The following GRM1 variants were observed in gnomAD, a reference collection of about 807,000 sequenced individuals.
The protein encoded by GRM1 is glutamate metabotropic receptor 1.
GRM1 carries 33 observed loss-of-function variants against 90.9 expected under a neutral mutation model. The observed-to-expected ratio is 0.36, with a 90% CI of 0.28 to 0.49. The LOEUF is 0.49. Among genes scored for constraint, GRM1 ranks in the 20% least tolerant of loss-of-function variants. The pLI is 0.99. For missense variants in GRM1, 1,190 were observed against 1,534.3 expected (o/e 0.78, Z 3.75); for synonymous variants, 700 against 613.2 (o/e 1.14, Z -2.09).
chr6:146,329,876 G>C (rs1032363399), intron 3 of GRM1, among the ~76,000 whole-genome samples: 8 of 152,152 alleles, frequency 5.3e-5, no homozygotes, highest in African/African-American at 1.9e-4. Flanking sequence ...TGTACTGAAA[G>C]TGAGAAACAG....
intron 3 of GRM1, among the ~76,000 whole-genome samples, chr6:146,310,929 A>C (rs1019507874): frequency 6.6e-6 from 1 of 152,182 alleles, no homozygotes; most frequent in East Asian, 1.9e-4. Flanking sequence ...TAAATAAATT[A>C]TTATTGTTTT....
At chr6:146,215,226 A>G (rs1455506801) in intron 2 of GRM1, among the ~76,000 whole-genome samples, 1 of 152,222 alleles carries the variant, frequency 6.6e-6, no homozygotes, top group East Asian at 1.9e-4. Flanking sequence ...AATAATTTCA[A>G]TTTAGTTTTA....
intron 3 of GRM1, among the ~76,000 whole-genome samples, chr6:146,311,067 C>T (rs362944): frequency 0.12 from 17,509 of 152,192 alleles, 2,006 homozygotes; most frequent in African/African-American, 0.3. Flanking sequence ...GACATAATTC[C>T]TCAACCCAAT....
intron 2 of GRM1, among the ~76,000 whole-genome samples, chr6:146,161,952 C>G (rs899571533): frequency 9.2e-5 from 14 of 152,130 alleles, no homozygotes; most frequent in African/African-American, 3.4e-4. Flanking sequence ...GGCTGATTCC[C>G]TCTCTTTATC....
At chr6:146,115,185 A>T (rs374747933) in intron 1 of GRM1, among the ~76,000 whole-genome samples, 1 of 151,832 alleles carries the variant, frequency 6.6e-6, no homozygotes, top group Non-Finnish European at 1.5e-5. Flanking sequence ...TAAAATGCTC[A>T]TAAGAATCAC....
At position 146,357,510 on chromosome 6, in the gene GRM1, A is replaced by G; in HGVS notation, c.1434-16A>G. The G allele has an allele frequency of 2.5e-6, 4 of 1,601,938 alleles. No individual in the cohort carries two copies. Among genetic ancestry groups the G allele is most frequent in the South Asian group, 2.2e-5 (2 of 90,802 alleles). ...TGTCTATATTCTATAAGACATGCACATTGTGCTCTTTGTAGGTATGATATC... is the reference window on the plus strand; with the variant it reads ...TGTCTATATTCTATAAGACATGCACGTTGTGCTCTTTGTAGGTATGATATC... On this transcript the variant is annotated splice_polypyrimidine_tract_variant and intron_variant, in intron 4 of 7. Transcript: ENST00000282753.
intron 2 of GRM1, among the ~76,000 whole-genome samples, chr6:146,192,071 T>C (rs1421367623): frequency 6.6e-6 from 1 of 152,188 alleles, no homozygotes. Flanking sequence ...AATTTAAGAT[T>C]GCTTAACTTT....
chr6:146,368,781 T>C (rs1264397091), intron 5 of GRM1, among the ~76,000 whole-genome samples: 1 of 152,088 alleles, frequency 6.6e-6, no homozygotes, highest in African/African-American at 2.4e-5. Context: ...TGCATTTATG[T>C]TTATCAGGGA....
At position 146,179,606 on chromosome 6, in the gene GRM1, C is replaced by T. The variant is rs539134166; in HGVS notation, c.950+20009C>T. ...TTGGCTCACTGCAAGCTCCGTCTCC[C>T]GGGTTCACGCCATTCTCCTGCCTCA... is the stretch of plus-strand genomic sequence containing the variant. On this transcript the variant is annotated intron_variant, in intron 2 of 7. Transcript: ENST00000282753. Among the ~76,000 whole-genome samples the T allele has an allele frequency of 3.4e-3, 511 of 152,232 alleles. 7 individuals carry two copies. The highest frequency in any genetic ancestry group is 0.01 in the Admixed American group (154 of 15,298).
intron 4 of GRM1, 61 bp from the exon 5 acceptor site, chr6:146,357,464 CT>C: frequency 1.5e-6 from 2 of 1,369,816 alleles, no homozygotes; most frequent in Non-Finnish European, 2.1e-6. Context: ...TACTTACCAA[CT>C]TTCTTTGTTT....
At position 146,292,546 on chromosome 6, in the gene GRM1, T is replaced by C. The variant is rs575748934; in HGVS notation, c.951-12065T>C. Among the ~76,000 whole-genome samples, 4 of 152,036 alleles carry C rather than the reference T, an allele frequency of 2.6e-5. No individual in the cohort carries two copies. In the South Asian group the frequency reaches 8.3e-4, roughly 31 times the overall value. ...GTCACATCATTAGCCATTACAAAAA[T>C]GGTAATCAAAATCACAATGAGATAC... On this transcript the variant is annotated intron_variant, in intron 2 of 7. Transcript: ENST00000282753.
rs145799579 is a variant in GRM1 at position 146,366,153 on chromosome 6, G to A, written c.1602+8459G>A. ...AATCAAATGCATATTTCAAATGAATGAATGAATGAATGAGTCAATGAATGA... is the reference window on the plus strand; with the variant it reads ...AATCAAATGCATATTTCAAATGAATAAATGAATGAATGAGTCAATGAATGA... On this transcript the variant is annotated intron_variant, in intron 5 of 7. Coordinates refer to ENST00000282753, the MANE Select transcript of GRM1 (RefSeq NM_001278064.2). Among the ~76,000 whole-genome samples the A allele has an allele frequency of 9.7e-4, 148 of 152,272 alleles. 1 individual carries two copies. The highest frequency in any genetic ancestry group is 3.3e-3 in the African/African-American group (136 of 41,560).
At chr6:146,126,535 C>A (rs1372582423) in intron 1 of GRM1, among the ~76,000 whole-genome samples, 3 of 152,050 alleles carry the variant, frequency 2.0e-5, no homozygotes, top group Non-Finnish European at 4.4e-5. Context: ...TCAAAATATT[C>A]TTTGAACTAA....
At chr6:146,407,719 C>A (rs1777399382) in intron 7 of GRM1, among the ~76,000 whole-genome samples, 1 of 151,936 alleles carries the variant, frequency 6.6e-6, no homozygotes, top group Admixed American at 6.6e-5. Flanking sequence ...GTAAATGGGG[C>A]CAAAAATCAT....
intron 1 of GRM1, among the ~76,000 whole-genome samples, chr6:146,134,671 C>G (rs564108486): frequency 6.6e-6 from 1 of 152,112 alleles, no homozygotes; most frequent in Non-Finnish European, 1.5e-5. Flanking sequence ...TGGCTCACAT[C>G]GGTAATCCTA....
At position 146,230,128 on chromosome 6, in the gene GRM1, T is replaced by G. The variant is rs151278315; in HGVS notation, c.950+70531T>G. Among the ~76,000 whole-genome samples, 405 of 152,348 alleles carry G rather than the reference T, an allele frequency of 2.7e-3. 2 individuals are homozygous for G. The highest frequency in any genetic ancestry group is 9.3e-3 in the African/African-American group (388 of 41,586). ...GCATTGCAAGACTGAAAGTGGTTGA[T>G]ACATTGTTTACAACACTTTGCATAC... is the stretch of plus-strand genomic sequence containing the variant. On this transcript the variant is annotated intron_variant, in intron 2 of 7. Coordinates refer to ENST00000282753, the MANE Select transcript of GRM1 (RefSeq NM_001278064.2).
chr6:146,254,228 GT>G (rs2114772302), intron 2 of GRM1, among the ~76,000 whole-genome samples: 1 of 152,272 alleles, frequency 6.6e-6, no homozygotes, highest in South Asian at 2.1e-4. Flanking sequence ...GCAAGAAAGA[GT>G]GTGTGCTAGC....
intron 1 of GRM1, among the ~76,000 whole-genome samples, chr6:146,059,885 T>G (rs1220031233): frequency 6.6e-6 from 1 of 152,188 alleles, no homozygotes; most frequent in East Asian, 1.9e-4. Flanking sequence ...TAAGCCTTCA[T>G]AGAATTGAAG....
At chr6:146,059,715 T>G (rs1424943760) in intron 1 of GRM1, among the ~76,000 whole-genome samples, 1 of 152,168 alleles carries the variant, frequency 6.6e-6, no homozygotes, top group African/African-American at 2.4e-5. Flanking sequence ...TTATCTTATG[T>G]AGATCTTGAT....
Sources: gnomAD v4.1 joint callset for allele counts (sites outside exome capture counted in the v4.1 genomes callset) on GRCh38, gnomAD v4.1.1 for gene constraint, MANE v1.5 for transcripts, NCBI Gene and HGNC (gene_info 2026-07-23, HGNC 2026-07-21) for gene names.